TNIP1: variants seen among roughly 807,000 people sequenced by gnomAD.
The protein encoded by TNIP1 is TNFAIP3-interacting protein 1.
TNIP1 carries 22 observed loss-of-function variants against 86.6 expected under a neutral mutation model. That is an observed-to-expected ratio of 0.25 (90% confidence interval 0.18 to 0.36). The LOEUF is 0.36. Ranked by LOEUF, TNIP1 falls within the 10% of genes least tolerant of loss-of-function variation. The pLI, the probability that TNIP1 is intolerant of heterozygous loss-of-function variation, is 1.00. For missense variants in TNIP1, 709 were observed against 820.6 expected (o/e 0.86, Z 1.66); for synonymous variants, 294 against 313.0 (o/e 0.94, Z 0.64).
At position 151,069,040 on chromosome 5, in the gene TNIP1, G is replaced by T. The variant is rs565410000; in HGVS notation, c.-36-3909C>A. 3.3e-5 allele frequency among the ~76,000 whole-genome samples: 5 copies of T among 152,348 alleles called. No homozygotes were observed. The South Asian group carries it at 1.0e-3, about 32-fold the overall frequency. ...GGAACCAGAAAGGCCCAGTTTGGGGGCAGAAAGGGGCCCAGACAGACGGCA... is the reference window on the plus strand; with the variant it reads ...GGAACCAGAAAGGCCCAGTTTGGGGTCAGAAAGGGGCCCAGACAGACGGCA... On this transcript the variant is annotated intron_variant, in intron 1 of 17. Transcript: ENST00000521591.
chr5:151,067,930 A>T (rs890909452), intron 1 of TNIP1, among the ~76,000 whole-genome samples: 52 of 152,214 alleles, frequency 3.4e-4, no homozygotes, highest in Non-Finnish European at 1.6e-4. Flanking sequence ...GCGAAGGGAC[A>T]AAGCAGGATG....
intron 12 of TNIP1, among the ~76,000 whole-genome samples, chr5:151,037,834 C>T (rs186123006): frequency 2.6e-4 from 39 of 152,304 alleles, no homozygotes; most frequent in Middle Eastern, 3.4e-3. Context: ...CCCCTAGACA[C>T]GCAAAGAAAC....
chr5:151,066,264 G>T (rs1379857728), intron 1 of TNIP1, among the ~76,000 whole-genome samples: 3 of 152,220 alleles, frequency 2.0e-5, no homozygotes, highest in African/African-American at 7.2e-5. Flanking sequence ...GACATCTGAA[G>T]GAAGAACATT....
chr5:151,075,594 GT>G (rs1435700045), intron 1 of TNIP1, among the ~76,000 whole-genome samples: 1 of 152,178 alleles, frequency 6.6e-6, no homozygotes, highest in Non-Finnish European at 1.5e-5. Context: ...GCAGCATTTG[GT>G]TTTCTGTTCC....
chr5:151,075,022 C>A (rs555095499), intron 1 of TNIP1, among the ~76,000 whole-genome samples: 28 of 152,324 alleles, frequency 1.8e-4, no homozygotes, highest in African/African-American at 6.7e-4. Flanking sequence ...AAGAGATCCA[C>A]CTGCCTGCTC....
Position 151,039,236 on chromosome 5 carries a change from T to C in TNIP1, c.1135-11A>G, listed in dbSNP as rs555015180. ...CTGCTCCTTGTCGGTCTGCAGGGAA[T>C]ACAAGGTTGGTAAGCTGGCTAGGAT... is the stretch of plus-strand genomic sequence containing the variant. On this transcript the variant is annotated splice_polypyrimidine_tract_variant and intron_variant, in intron 11 of 17. Coordinates refer to ENST00000521591, the MANE Select transcript of TNIP1 (RefSeq NM_006058.5). 1.2e-6 allele frequency: 2 copies of C among 1,609,928 alleles called. No individual in the cohort carries two copies. Among genetic ancestry groups the C allele is most frequent in the African/African-American group, 2.7e-5 (2 of 74,854 alleles).
intron 5 of TNIP1, among the ~76,000 whole-genome samples, chr5:151,059,936 C>T (rs1046135310): frequency 4.6e-5 from 7 of 151,104 alleles, no homozygotes; most frequent in Non-Finnish European, 7.4e-5. Flanking sequence ...AGAGTCTGCA[C>T]AAAGAGCAAA....
At chr5:151,074,073 T>C (rs1240199173) in intron 1 of TNIP1, among the ~76,000 whole-genome samples, 1 of 152,182 alleles carries the variant, frequency 6.6e-6, no homozygotes, top group Non-Finnish European at 1.5e-5. Flanking sequence ...TCTTATACAA[T>C]TATAAAATTA....
chr5:151,046,082 G>T, intron 8 of TNIP1, 132 bp from the exon 9 acceptor site: 1 of 722,248 alleles, frequency 1.4e-6, no homozygotes, highest in Non-Finnish European at 2.4e-6. Context: ...CACCCAGCAG[G>T]ACACCACTAA....
intron 12 of TNIP1, chr5:151,037,451 T>G (rs1281242979): frequency 6.6e-6 from 1 of 152,326 alleles, no homozygotes; most frequent in African/African-American, 2.4e-5. Flanking sequence ...AAACCACCCC[T>G]TCCATCCTCA....
In TNIP1 at chr5:151,035,590, T is replaced by C. The variant is rs754358512; in HGVS notation, c.1513A>G (p.Asn505Asp). The C allele has an allele frequency of 6.2e-7, 1 of 1,614,176 alleles. No individual in the cohort carries two copies. The highest frequency in any genetic ancestry group is 8.5e-7 in the Non-Finnish European group (1 of 1,180,018). ...GGTCCAGTCACTCTTACCTGGGCAT[T>C]TGACAGGGTGACCTGGGCCTGCAGC... ...EKLQAQVTLS[N>D]AQLKAFKDEE... Residue 505 changes from asparagine (N) to aspartate (D), a missense_variant, in exon 14 of 18, where the codon AAT becomes GAT. Transcript: ENST00000521591.
intron 11 of TNIP1, among the ~76,000 whole-genome samples, chr5:151,040,057 G>C (rs946405042): frequency 6.6e-6 from 1 of 152,196 alleles, no homozygotes; most frequent in Non-Finnish European, 1.5e-5. Flanking sequence ...CTAGAACCCA[G>C]GTTTCCTATT....
intron 5 of TNIP1, among the ~76,000 whole-genome samples, chr5:151,059,858 TGTGTGTGTGCGCGCGCGC>T (rs1400101409): frequency 9.1e-5 from 9 of 98,748 alleles, no homozygotes; most frequent in East Asian, 6.7e-4. Flanking sequence ...TGTGTGTGTG[TGTGTGTGTGCGCGCGCGC>T]GCGCGCATGC....
chr5:151,056,423 C>T (rs745535964), intron 6 of TNIP1, among the ~76,000 whole-genome samples: 1 of 152,172 alleles, frequency 6.6e-6, no homozygotes, highest in Non-Finnish European at 1.5e-5. Context: ...AGGGTGCCTA[C>T]CCTGGGGGGA....
At chr5:151,066,048 T>G (rs1422674) in intron 1 of TNIP1, among the ~76,000 whole-genome samples, 17,120 of 152,256 alleles carry the variant, frequency 0.11, 1,804 homozygotes, top group East Asian at 0.51. Context: ...GACTCCGTGC[T>G]AGGCACCAGT....
upstream of TNIP1, among the ~76,000 whole-genome samples, chr5:151,081,755 C>T (rs762266127): frequency 2.0e-5 from 3 of 152,174 alleles, no homozygotes; most frequent in Non-Finnish European, 2.9e-5. Context: ...AAGATTCAAA[C>T]CCGGGTGGGC....
In TNIP1 at chr5:151,056,813, G is replaced by A; in HGVS notation, c.580C>T (p.Leu194=). ...TCATTCTTGTGCACCTTGGATGCCA[G>A]TCGGTTGAACTCCAGGGCCATGCGG... is the stretch of plus-strand genomic sequence containing the variant. ...LGRMALEFNR[L]ASKVHKNEQR... Residue 194 remains leucine (L), a synonymous_variant, in exon 6 of 18, where the codon CTG becomes TTG. Coordinates refer to ENST00000521591, the MANE Select transcript of TNIP1 (RefSeq NM_006058.5). The A allele has an allele frequency of 6.3e-7, 1 of 1,579,766 alleles. No individual in the cohort carries two copies. The highest frequency in any genetic ancestry group is 8.6e-7 in the Non-Finnish European group (1 of 1,162,924).
intron 13 of TNIP1, among the ~76,000 whole-genome samples, chr5:151,036,364 G>A (rs1381466883): frequency 1.3e-5 from 2 of 152,170 alleles, no homozygotes; most frequent in African/African-American, 2.4e-5. Context: ...AAGAACTCCA[G>A]TTCAGAGTCT....
At position 151,066,464 on chromosome 5, in the gene TNIP1, T is replaced by C. The variant is rs559095833; in HGVS notation, c.-36-1333A>G. Among the ~76,000 whole-genome samples, 206 of 152,196 alleles carry C rather than the reference T, an allele frequency of 1.4e-3. 1 individual carries two copies. Among genetic ancestry groups the C allele is most frequent in the African/African-American group, 4.1e-3 (171 of 41,520 alleles). ...ACAAAAACTGTTTCATCAGGAATCC[T>C]CAAAGACCCTCCCAAGTCCACACAC... On this transcript the variant is annotated intron_variant, in intron 1 of 17. Coordinates refer to ENST00000521591, the MANE Select transcript of TNIP1 (RefSeq NM_006058.5).
Sources: gnomAD v4.1 joint callset for allele counts (sites outside exome capture counted in the v4.1 genomes callset) on GRCh38, gnomAD v4.1.1 for gene constraint, MANE v1.5 for transcripts, NCBI Gene and HGNC (gene_info 2026-07-23, HGNC 2026-07-21) for gene names.